MARCHF7: variants seen among roughly 807,000 people sequenced by gnomAD.
MARCHF7 encodes membrane associated ring-CH-type finger 7, also known as E3 ubiquitin-protein ligase MARCHF7.
In MARCHF7, 20 loss-of-function variants were observed where a neutral mutation model predicts 76.5. The ratio of observed to expected loss-of-function variants is 0.26; its 90% CI spans 0.18 to 0.38. The LOEUF (loss-of-function observed/expected upper bound fraction) is 0.38. Among genes scored for constraint, MARCHF7 ranks in the 10% least tolerant of loss-of-function variants. The pLI, the probability that MARCHF7 is intolerant of heterozygous loss-of-function variation, is 1.00. For synonymous variants in MARCHF7, 295 were observed against 293.0 expected, an observed-to-expected ratio of 1.01 and a Z score of -0.07; for missense variants, 797 against 812.9, an observed-to-expected ratio of 0.98 and a Z score of 0.24.
chr2:159,716,492 A>G (rs1701055117), intron 3 of MARCHF7, among the ~76,000 whole-genome samples: 2 of 152,068 alleles, frequency 1.3e-5, no homozygotes, highest in South Asian at 4.2e-4. Context: ...ACTAAAAAAA[A>G]TACAACAATT....
chr2:159,723,640 T>C (rs1019319089), intron 3 of MARCHF7, among the ~76,000 whole-genome samples: 5 of 152,196 alleles, frequency 3.3e-5, no homozygotes, highest in Admixed American at 6.5e-5. Context: ...ACCATTCTTA[T>C]TTCCACTGCC....
intron 7 of MARCHF7, among the ~76,000 whole-genome samples, chr2:159,750,503 G>A (rs1341983043): frequency 6.6e-6 from 1 of 152,044 alleles, no homozygotes; most frequent in African/African-American, 2.4e-5. Flanking sequence ...CCAACCAGGC[G>A]ACAGAGCAAG....
In MARCHF7 at chr2:159,748,846, A is replaced by G. The variant is rs147009680; in HGVS notation, c.1556A>G (p.Asp519Gly). ...SGWNSADGKS[D>G]KTKSAPSRDP... ...TGGAATTCAGCTGATGGTAAAAGTG[A>G]TAAAACTAAAAGTGCGCCTTCAAGA... Residue 519 changes from aspartate to glycine, a missense_variant, in exon 7 of 12, where the codon GAT becomes GGT. Transcript: ENST00000409175. 2 of 1,613,640 alleles carry G rather than the reference A, an allele frequency of 1.2e-6. No individual in the cohort carries two copies. The highest frequency in any genetic ancestry group is 1.7e-6 in the Non-Finnish European group (2 of 1,179,928).
chr2:159,715,358 T>TG lies in MARCHF7; in HGVS notation c.-100-315dup, dbSNP rs375225318. On this transcript the variant is annotated intron_variant, in intron 2 of 11. Transcript: ENST00000409175. Reference sequence around the variant, plus strand: ...TGAAATTATAATTTGAGAGTTTAGGTGGGGGGGGTAATAATTTTGTGTGTG... The same window carrying TG: ...TGAAATTATAATTTGAGAGTTTAGGTGGGGGGGGGTAATAATTTTGTGTGTG... Among the ~76,000 whole-genome samples the TG allele has an allele frequency of 4.0e-3, 606 of 150,746 alleles. 3 individuals carry two copies. Among genetic ancestry groups the TG allele is most frequent in the East Asian group, 0.012 (62 of 5,128 alleles).
rs760917584 is a variant in MARCHF7, at chr2:159,764,714, T to A, written c.2056+40T>A. 74 of 1,540,818 alleles carry A rather than the reference T, an allele frequency of 4.8e-5. 1 individual carries two copies. In the South Asian group the frequency reaches 8.8e-4, roughly 18 times the overall value. ...CCCTCCCCAGACTTGTTGAATTTACTTTTGCAAATTAAACCCAAAGCAAAA... is the reference window on the plus strand; with the variant it reads ...CCCTCCCCAGACTTGTTGAATTTACATTTGCAAATTAAACCCAAAGCAAAA... On this transcript the variant is annotated intron_variant, in intron 11 of 11. Coordinates refer to ENST00000409175, the MANE Select transcript of MARCHF7 (RefSeq NM_001282805.2).
chr2:159,754,128 G>A (rs13029104), intron 8 of MARCHF7, among the ~76,000 whole-genome samples: 1 of 152,186 alleles, frequency 6.6e-6, no homozygotes, highest in Admixed American at 6.5e-5. Flanking sequence ...GAACACGAGA[G>A]TAATAATGTT....
chr2:159,733,787 G>T, intron 4 of MARCHF7: 2 of 985,376 alleles, frequency 2.0e-6, no homozygotes, highest in South Asian at 9.4e-5. Context: ...ATTTGTGTCA[G>T]TTCATCGATA....
intron 3 of MARCHF7, among the ~76,000 whole-genome samples, chr2:159,718,530 A>G (rs979806572): frequency 6.6e-6 from 1 of 152,162 alleles, no homozygotes; most frequent in Admixed American, 6.5e-5. Flanking sequence ...GATCCGTAGC[A>G]TAATGGAAGG....
At chr2:159,748,945 GAGAA>G (rs1440217266) in intron 7 of MARCHF7, 42 bp downstream of exon 7, 13 of 1,249,268 alleles carry the variant, frequency 1.0e-5, no homozygotes, top group Non-Finnish European at 1.2e-5. Flanking sequence ...ATCAAAAATA[GAGAA>G]AGAACTCTTC....
At chr2:159,743,874 C>G (rs1553781175) in intron 5 of MARCHF7, among the ~76,000 whole-genome samples, 1 of 150,560 alleles carries the variant, frequency 6.6e-6, no homozygotes, top group Non-Finnish European at 1.5e-5. Flanking sequence ...TGCCAATGCA[C>G]TGTAGCCTGG....
At chr2:159,759,455 A>C (rs1219881436) in intron 9 of MARCHF7, 120 bp downstream of exon 9, 9 of 470,466 alleles carry the variant, frequency 1.9e-5, no homozygotes, top group African/African-American at 6.1e-5. Context: ...AACAGTGATA[A>C]TGTTCTTAAC....
At position 159,767,438 on chromosome 2, in the gene MARCHF7, T is replaced by C; in HGVS notation, c.*96T>C. On this transcript the variant is annotated 3_prime_UTR_variant, in exon 12 of 12. Coordinates refer to ENST00000409175, the MANE Select transcript of MARCHF7 (RefSeq NM_001282805.2). ...CTTTTGTGGGGGAATGCCTAATAAA[T>C]ACATTGACTATATATAAAATGAATA... 1.3e-6 allele frequency: 1 copy of C among 768,994 alleles called. No homozygotes were observed. The highest frequency in any genetic ancestry group is 2.2e-6 in the Non-Finnish European group (1 of 455,036). 47.6% of individuals were successfully genotyped at this position (768,994 alleles called of 1,614,324 possible). A position where few individuals can be genotyped will look rare whatever the true frequency, so the allele number is the denominator to read the frequency against.
rs758096285 is a variant in MARCHF7, at chr2:159,747,881, T to C, written c.591T>C (p.Asn197=). 4.3e-6 allele frequency: 7 copies of C among 1,614,008 alleles called. No individual in the cohort carries two copies. The Admixed American group carries it at 5.0e-5, about 12-fold the overall frequency. Residue 197 remains asparagine (N), a synonymous_variant, in exon 7 of 12, where the codon AAT becomes AAC. Transcript: ENST00000409175. ...ACTCAATGAGCACTTTACAGTTGAA[T>C]ACATCATCCACAAACCACCAATTGC... is the stretch of plus-strand genomic sequence containing the variant. ...KENSMSTLQL[N]TSSTNHQLPS...
In MARCHF7 at chr2:159,748,506, A is replaced by G. The variant is rs756362548; in HGVS notation, c.1216A>G (p.Arg406Gly). 9 of 1,614,018 alleles carry G rather than the reference A, an allele frequency of 5.6e-6. No individual in the cohort carries two copies. The African/African-American group carries it at 1.1e-4, about 19-fold the overall frequency. Residue 406 changes from arginine (R) to glycine (G), a missense_variant, in exon 7 of 12, where the codon AGA (arginine) becomes GGA (glycine). Physicochemically the swap from Arg to Gly is moderately radical, Grantham distance 125. Transcript: ENST00000409175. ...GTTCTCTAGAAGGAGGCGAGAGGGA[A>G]GAGATGAATCTTCAAGGATACCTAC... is the stretch of plus-strand genomic sequence containing the variant. ...PLFSRRRREG[R>G]DESSRIPTSD...
intron 4 of MARCHF7, among the ~76,000 whole-genome samples, chr2:159,732,529 A>G (rs1416758079): frequency 6.6e-6 from 1 of 152,124 alleles, no homozygotes; most frequent in African/African-American, 2.4e-5. Context: ...TACACTTTTT[A>G]AGAGACAGGG....
chr2:159,739,148 A>C (rs1456190465), intron 4 of MARCHF7, among the ~76,000 whole-genome samples: 1 of 152,242 alleles, frequency 6.6e-6, no homozygotes, highest in Non-Finnish European at 1.5e-5. Context: ...CTGAGAGCAC[A>C]GGGATACCCA....
Position 159,748,649 on chromosome 2 carries a change from A to G in MARCHF7, c.1359A>G (p.Ala453=), listed in dbSNP as rs781252391. ...AAANRPQASA[A]SSSATTGGST... ...CCAACAGACCACAAGCATCTGCAGC[A>G]TCAAGCAGTGCCACAACAGGTGGCT... The change falls in exon 7 of 12, where the codon GCA becomes GCG. Residue 453 remains alanine, a synonymous_variant. Coordinates refer to ENST00000409175, the MANE Select transcript of MARCHF7 (RefSeq NM_001282805.2). 2 of 1,614,266 alleles carry G rather than the reference A, an allele frequency of 1.2e-6. No homozygotes were observed. Among genetic ancestry groups the G allele is most frequent in the South Asian group, 2.2e-5 (2 of 91,088 alleles).
At chr2:159,764,381 A>C (rs1707510592) in intron 10 of MARCHF7, among the ~76,000 whole-genome samples, 1 of 151,994 alleles carries the variant, frequency 6.6e-6, no homozygotes, top group Admixed American at 6.6e-5. Context: ...CATTGGATAA[A>C]ATTATTGTAT....
intron 8 of MARCHF7, among the ~76,000 whole-genome samples, chr2:159,758,501 C>T (rs1706607107): frequency 6.6e-6 from 1 of 152,190 alleles, no homozygotes; most frequent in South Asian, 2.1e-4. Context: ...ACTTCCTATT[C>T]CCTTCTCTGC....
Sources: allele counts gnomAD v4.1 joint callset (sites outside exome capture counted in the v4.1 genomes callset), GRCh38; gene constraint gnomAD v4.1.1; transcripts MANE v1.5; gene names NCBI Gene and HGNC (gene_info 2026-07-23, HGNC 2026-07-21).